ARHGAP8: variants seen among roughly 807,000 people sequenced by gnomAD.
The protein encoded by ARHGAP8 is Rho GTPase activating protein 8, also known as rho GTPase-activating protein 8.
A neutral mutation model predicts 46.1 loss-of-function variants in ARHGAP8; 62 were observed. The ratio of observed to expected loss-of-function variants is 1.34; its 90% CI spans 1.10 to 1.66. The LOEUF (loss-of-function observed/expected upper bound fraction) is 1.66. Among genes scored for constraint, ARHGAP8 ranks in the 40% most tolerant of loss-of-function variants. ARHGAP8 has a pLI of 0.00. For missense variants in ARHGAP8, 923 were observed against 568.4 expected (o/e 1.62, Z -6.34); for synonymous variants, 375 against 243.1 (o/e 1.54, Z -5.05).
At chr22:44,861,479 C>G (rs763894033) in intron 11 of ARHGAP8, among the ~76,000 whole-genome samples, 67 of 152,098 alleles carry the variant, frequency 4.4e-4, no homozygotes, top group Admixed American at 7.2e-4. Context: ...CAGGGGGAGC[C>G]TGAAAGGCAT....
At chr22:44,768,049 G>T (rs1925719206) in intron 1 of ARHGAP8, among the ~76,000 whole-genome samples, 1 of 116,752 alleles carries the variant, frequency 8.6e-6, no homozygotes, top group Non-Finnish European at 1.6e-5. Context: ...ACCCAGGCTG[G>T]AGTGCAGTGG....
chr22:44,846,147 C>T (rs550901946), intron 8 of ARHGAP8, among the ~76,000 whole-genome samples: 1 of 152,338 alleles, frequency 6.6e-6, no homozygotes, highest in South Asian at 2.1e-4. Flanking sequence ...TGCCCACGGA[C>T]TCAGCACCGT....
chr22:44,862,720 A>C lies in ARHGAP8; in HGVS notation c.*125A>C. The C allele has an allele frequency of 8.5e-7, 1 of 1,183,216 alleles. No homozygotes were observed. The highest frequency in any genetic ancestry group is 1.8e-5 in the South Asian group (1 of 55,716). The allele number at this position is 1,183,216 out of a possible 1,614,324, so 73.3% of individuals were successfully genotyped here. On this transcript the variant is annotated 3_prime_UTR_variant, in exon 12 of 12. Coordinates refer to ENST00000356099, the MANE Select transcript of ARHGAP8 (RefSeq NM_181335.3). ...ATGAATTCAGAACCTTCTAATGAAA[A>C]CTCCATGCCTCTGGTCCTTGGACTC...
chr22:44,815,040 C>T (rs1432398845), intron 5 of ARHGAP8, among the ~76,000 whole-genome samples: 1 of 152,182 alleles, frequency 6.6e-6, no homozygotes, highest in Non-Finnish European at 1.5e-5. Flanking sequence ...CCCTCAGGTG[C>T]CGTGATTTTC....
chr22:44,767,320 CG>C (rs1925648644), intron 1 of ARHGAP8, among the ~76,000 whole-genome samples: 1 of 152,070 alleles, frequency 6.6e-6, no homozygotes, highest in South Asian at 2.1e-4. Flanking sequence ...TTGTTCATTT[CG>C]GATGCTCTTT....
chr22:44,860,496 C>A (rs920599141), intron 11 of ARHGAP8, among the ~76,000 whole-genome samples: 1 of 151,980 alleles, frequency 6.6e-6, no homozygotes, highest in Non-Finnish European at 1.5e-5. Context: ...TGCCATATGT[C>A]ACTGGGTTTA....
intron 1 of ARHGAP8, among the ~76,000 whole-genome samples, chr22:44,764,001 ACGGGGTTTCAC>A (rs1396267359): frequency 1.3e-5 from 2 of 151,658 alleles, no homozygotes; most frequent in African/African-American, 4.8e-5. Flanking sequence ...TTTAGTAGAG[ACGGGGTTTCAC>A]CGTGTTAGCC....
intron 3 of ARHGAP8, among the ~76,000 whole-genome samples, chr22:44,802,508 C>G (rs962720280): frequency 6.6e-6 from 1 of 152,192 alleles, no homozygotes; most frequent in African/African-American, 2.4e-5. Flanking sequence ...CCAGGCCTCC[C>G]CCACGCACTG....
chr22:44,806,253 T>C (rs750857695), intron 3 of ARHGAP8, among the ~76,000 whole-genome samples: 3 of 152,180 alleles, frequency 2.0e-5, no homozygotes, highest in Non-Finnish European at 2.9e-5. Flanking sequence ...AGGATGACCT[T>C]GGTGAAGTAT....
At chr22:44,783,629 T>G (rs1348418904) in intron 1 of ARHGAP8, among the ~76,000 whole-genome samples, 2 of 152,166 alleles carry the variant, frequency 1.3e-5, no homozygotes, top group Non-Finnish European at 2.9e-5. Context: ...CCGGCATCCC[T>G]GAGGCCAGAG....
intron 2 of ARHGAP8, among the ~76,000 whole-genome samples, chr22:44,792,937 C>T (rs1927813942): frequency 6.6e-6 from 1 of 151,878 alleles, no homozygotes; most frequent in South Asian, 2.1e-4. Flanking sequence ...GATTCTCCTG[C>T]CTCAGCCTCC....
intron 7 of ARHGAP8, among the ~76,000 whole-genome samples, chr22:44,837,676 C>G (rs1931379044): frequency 6.6e-6 from 1 of 152,116 alleles, no homozygotes; most frequent in African/African-American, 2.4e-5. Context: ...TTGAACAAGC[C>G]TCTCTCTCCG....
intron 10 of ARHGAP8, among the ~76,000 whole-genome samples, chr22:44,856,010 A>G (rs1310259692): frequency 6.6e-6 from 1 of 152,188 alleles, no homozygotes; most frequent in Admixed American, 6.5e-5. Flanking sequence ...GAGTGGGAGC[A>G]AGATGGGGTG....
chr22:44,859,779 G>A lies in ARHGAP8; in HGVS notation c.926G>A (p.Ser309Asn). ...RVTGCRQILR[S>N]LPEHNYVVLR... ...ACTGGCTGCCGCCAGATCTTACGGA[G>A]CCTCCCAGAGCACAACTACGTCGTC... is the stretch of plus-strand genomic sequence containing the variant. The change falls in exon 11 of 12, where the codon AGC becomes AAC. Residue 309 changes from serine to asparagine, a missense_variant. Physicochemically the swap from Ser to Asn is conservative, Grantham distance 46. Transcript: ENST00000356099. The A allele has an allele frequency of 1.2e-6, 2 of 1,614,098 alleles. No individual in the cohort carries two copies. The highest frequency in any genetic ancestry group is 1.7e-6 in the Non-Finnish European group (2 of 1,180,032).
chr22:44,786,427 A>G (rs1927239335), intron 1 of ARHGAP8, 30 bp from the exon 2 acceptor site: 1 of 1,556,500 alleles, frequency 6.4e-7, no homozygotes, highest in Non-Finnish European at 8.7e-7. Flanking sequence ...TGGAGAATGC[A>G]CTGACTTCCT....
intron 1 of ARHGAP8, among the ~76,000 whole-genome samples, chr22:44,767,639 C>A (rs1201145449): frequency 2.0e-5 from 3 of 151,928 alleles, no homozygotes; most frequent in African/African-American, 7.3e-5. Context: ...TGGAAAACAA[C>A]CCCCTACCAC....
intron 7 of ARHGAP8, among the ~76,000 whole-genome samples, chr22:44,838,998 A>T (rs980030786): frequency 6.6e-6 from 1 of 152,186 alleles, no homozygotes; most frequent in African/African-American, 2.4e-5. Flanking sequence ...GGATAAGGAA[A>T]CTGGCCGGTG....
intron 1 of ARHGAP8, among the ~76,000 whole-genome samples, chr22:44,763,366 G>A (rs934189479): frequency 4.6e-5 from 7 of 151,610 alleles, no homozygotes; most frequent in Admixed American, 1.3e-4. Flanking sequence ...GCGTAGTGGT[G>A]CGTGCCTGTA....
At chr22:44,825,621 C>G (rs778394414) in intron 7 of ARHGAP8, 28 bp downstream of exon 7, 1 of 1,599,378 alleles carries the variant, frequency 6.3e-7, no homozygotes, top group East Asian at 2.3e-5. Context: ...GTGCCTGCTC[C>G]TATGCCCTGG....
Sources: allele counts gnomAD v4.1 joint callset (sites outside exome capture counted in the v4.1 genomes callset), GRCh38; gene constraint gnomAD v4.1.1; transcripts MANE v1.5; gene names NCBI Gene and HGNC (gene_info 2026-07-23, HGNC 2026-07-21).